TNFAIP8: variants seen among roughly 807,000 people sequenced by gnomAD.
TNFAIP8 encodes TNF alpha induced protein 8.
A neutral mutation model predicts 13.3 loss-of-function variants in TNFAIP8; 7 were observed. The observed-to-expected ratio is 0.52, with a 90% confidence interval of 0.30 to 0.99. The LOEUF is 0.99. TNFAIP8 is among the 50% of genes least tolerant of loss of function. The probability of loss-of-function intolerance (pLI) is 0.07; values close to 1 mark genes in which losing one functional copy is unlikely to be tolerated. For synonymous variants in TNFAIP8, 94 were observed against 87.6 expected (o/e 1.07, Z -0.41); for missense variants, 258 against 236.9 (o/e 1.09, Z -0.58).
chr5:119,294,935 A>G (rs1479328353), intron 1 of TNFAIP8, among the ~76,000 whole-genome samples: 4 of 151,650 alleles, frequency 2.6e-5, no homozygotes, highest in African/African-American at 7.3e-5. Context: ...TAGATTCTGG[A>G]TATTAGCCCT....
At chr5:119,293,972 A>G (rs1479511523) in intron 1 of TNFAIP8, among the ~76,000 whole-genome samples, 3 of 152,190 alleles carry the variant, frequency 2.0e-5, no homozygotes, top group Non-Finnish European at 4.4e-5. Context: ...TTTTACCTTC[A>G]TTGGAACCAA....
chr5:119,373,031 A>T (rs181154549), intron 1 of TNFAIP8, among the ~76,000 whole-genome samples: 1 of 152,132 alleles, frequency 6.6e-6, no homozygotes, highest in African/African-American at 2.4e-5. Context: ...TCTTTGTCCT[A>T]TATCTCTACC....
intron 1 of TNFAIP8, among the ~76,000 whole-genome samples, chr5:119,316,527 G>A (rs1561997616): frequency 6.6e-6 from 1 of 152,076 alleles, no homozygotes; most frequent in Non-Finnish European, 1.5e-5. Flanking sequence ...ACCCTAGTGT[G>A]GAGAGATACA....
rs115573411 is a variant in TNFAIP8, at chr5:119,274,427, G to T, written c.1+5520G>T. 1.7e-3 allele frequency among the ~76,000 whole-genome samples: 259 copies of T among 152,320 alleles called. 1 individual carries two copies. Among genetic ancestry groups the T allele is most frequent in the African/African-American group, 6.0e-3 (250 of 41,568 alleles). On this transcript the variant is annotated intron_variant, in intron 1 of 1. Coordinates refer to the TNFAIP8 transcript ENST00000274456. ...AATACTGTTTTGCTACACTTGAAGG[G>T]CAGAGCAGTCCTCACTTAGTGATGG...
intron 1 of TNFAIP8, chr5:119,333,580 T>C: frequency 6.5e-7 from 1 of 1,535,632 alleles, no homozygotes; most frequent in African/African-American, 1.4e-5. Context: ...TCTACCAAGA[T>C]ACTGTGAAGT....
intron 1 of TNFAIP8, among the ~76,000 whole-genome samples, chr5:119,372,933 C>A (rs551390009): frequency 6.2e-4 from 94 of 152,146 alleles, no homozygotes; most frequent in African/African-American, 2.2e-3. Context: ...TTCACTCCAG[C>A]CTGGGTGAAA....
chr5:119,365,972 C>T (rs1751837442), intron 1 of TNFAIP8, among the ~76,000 whole-genome samples: 1 of 151,640 alleles, frequency 6.6e-6, no homozygotes, highest in Non-Finnish European at 1.5e-5. Flanking sequence ...GGCAGTTTGG[C>T]AGATTTCACA....
intron 1 of TNFAIP8, chr5:119,333,776 C>A: frequency 1.3e-6 from 1 of 746,626 alleles, no homozygotes; most frequent in Non-Finnish European, 2.2e-6. Context: ...TTCAACAAAT[C>A]ACTGTTTTGT....
chr5:119,395,843 G>T lies in TNFAIP8; in HGVS notation c.*2462G>T, dbSNP rs1366538362. ...CTGAGCCGAGTTAATACTAATTTGG[G>T]GATCCTATGAACCTTTTTATAAAAT... On this transcript the variant is annotated 3_prime_UTR_variant, in exon 2 of 2. Coordinates refer to ENST00000504771, the MANE Select transcript of TNFAIP8 (RefSeq NM_014350.4). The T allele has an allele frequency of 6.6e-6, 1 of 152,034 alleles. No homozygotes were observed. Among genetic ancestry groups the T allele is most frequent in the Non-Finnish European group, 1.5e-5 (1 of 68,010 alleles). The allele number at this position is 152,034 out of a possible 1,614,324, so 9.4% of individuals were successfully genotyped here.
At chr5:119,290,836 G>A (rs1038861744) in intron 1 of TNFAIP8, among the ~76,000 whole-genome samples, 11 of 152,154 alleles carry the variant, frequency 7.2e-5, no homozygotes, top group Admixed American at 2.6e-4. Context: ...AAAGCAGGGC[G>A]GACAGCAGCT....
At chr5:119,314,340 A>G (rs1749822353) in intron 1 of TNFAIP8, among the ~76,000 whole-genome samples, 2 of 152,244 alleles carry the variant, frequency 1.3e-5, no homozygotes, top group African/African-American at 4.8e-5. Context: ...TCCTCTTGGA[A>G]CTTACAAACT....
At chr5:119,337,454 T>C (rs933383269) in intron 1 of TNFAIP8, among the ~76,000 whole-genome samples, 1 of 152,186 alleles carries the variant, frequency 6.6e-6, no homozygotes, top group African/African-American at 2.4e-5. Context: ...CTGTGGTCTT[T>C]TGGTTTCTAT....
intron 1 of TNFAIP8, among the ~76,000 whole-genome samples, chr5:119,365,379 C>A (rs548864903): frequency 6.6e-6 from 1 of 152,274 alleles, no homozygotes; most frequent in East Asian, 1.9e-4. Context: ...TTTTAGATTC[C>A]CTCTGAGATG....
intron 1 of TNFAIP8, among the ~76,000 whole-genome samples, chr5:119,320,935 G>T (rs13180238): frequency 0.012 from 1,772 of 152,294 alleles, 15 homozygotes; most frequent in Middle Eastern, 0.024. Flanking sequence ...GACTAGACTT[G>T]GCTGGGCACG....
chr5:119,327,615 C>T (rs11958957), intron 1 of TNFAIP8, among the ~76,000 whole-genome samples: 14,345 of 152,052 alleles, frequency 0.094, 783 homozygotes, highest in African/African-American at 0.16. Flanking sequence ...CCCACTACCA[C>T]GCCTGGCTAA....
At chr5:119,272,887 G>A (rs1161394091) in intron 1 of TNFAIP8, among the ~76,000 whole-genome samples, 1 of 152,212 alleles carries the variant, frequency 6.6e-6, no homozygotes, top group Non-Finnish European at 1.5e-5. Flanking sequence ...GGGGGGCTAG[G>A]TGTACAGATC....
chr5:119,375,842 A>G (rs935878030), intron 1 of TNFAIP8, among the ~76,000 whole-genome samples: 2 of 152,166 alleles, frequency 1.3e-5, no homozygotes, highest in Non-Finnish European at 2.9e-5. Context: ...TTTCGTAGCA[A>G]ACTAGCAAAG....
rs112622096 is a variant in TNFAIP8 at position 119,279,735 on chromosome 5, C to T, written c.1+10828C>T. On this transcript the variant is annotated intron_variant, in intron 1 of 1. Coordinates refer to the TNFAIP8 transcript ENST00000274456. ...TAGCTGGGACTACAGGTGCATGCCA[C>T]CACACCCAACTCTAGGAAGTCATTT... 2.8e-3 allele frequency among the ~76,000 whole-genome samples: 419 copies of T among 152,198 alleles called. 1 individual carries two copies. Among genetic ancestry groups the T allele is most frequent in the African/African-American group, 9.6e-3 (399 of 41,516 alleles).
chr5:119,300,538 G>A (rs34207529), intron 1 of TNFAIP8, among the ~76,000 whole-genome samples: 9,887 of 152,214 alleles, frequency 0.065, 766 homozygotes, highest in African/African-American at 0.18. Context: ...TATTATCAAA[G>A]CATATAAAAG....
Sources: allele counts gnomAD v4.1 joint callset (sites outside exome capture counted in the v4.1 genomes callset), GRCh38; gene constraint gnomAD v4.1.1; transcripts MANE v1.5; gene names NCBI Gene and HGNC (gene_info 2026-07-23, HGNC 2026-07-21).